Variants in USH2A observed in about 807,000 individuals in gnomAD.
The protein encoded by USH2A is Usher syndrome 2A (autosomal recessive, mild).
A neutral mutation model predicts 538.9 loss-of-function variants in USH2A; 443 were observed. The ratio of observed to expected loss-of-function variants is 0.82; its 90% confidence interval spans 0.76 to 0.89. The LOEUF (loss-of-function observed/expected upper bound fraction) is 0.89, where lower values mean the gene tolerates loss of function less well. Ranked by LOEUF, USH2A falls within the 40% of genes least tolerant of loss-of-function variation. USH2A has a pLI of 0.00. For synonymous variants in USH2A, 2,413 were observed against 2,273.5 expected, an observed-to-expected ratio of 1.06 and a Z score of -1.75; for missense variants, 6,633 against 6,324.8, an observed-to-expected ratio of 1.05 and a Z score of -1.65.
At chr1:216,046,729 C>A in intron 31 of USH2A, 137 bp from the exon 32 acceptor site, 1 of 1,011,964 alleles carries the variant, frequency 9.9e-7, no homozygotes, top group South Asian at 1.4e-5. Flanking sequence ...GGCAGCTTGT[C>A]AGTAATTGCT....
intron 37 of USH2A, among the ~76,000 whole-genome samples, chr1:215,943,146 C>T (rs1666676818): frequency 6.6e-6 from 1 of 151,842 alleles, no homozygotes; most frequent in South Asian, 2.1e-4. Flanking sequence ...CCATACAAGG[C>T]ATAAGCAAGA....
chr1:215,798,998 G>C lies in USH2A; in HGVS notation c.9867C>G (p.Gly3289=). 6.2e-7 allele frequency: 1 copy of C among 1,614,058 alleles called. No homozygotes were observed. Among genetic ancestry groups the C allele is most frequent in the Non-Finnish European group, 8.5e-7 (1 of 1,180,000 alleles). Residue 3289 remains glycine (G), a synonymous_variant, in exon 50 of 72, where the codon GGC becomes GGG. Transcript: ENST00000307340. The stretch of plus-strand genomic sequence containing the variant: ...GTCTGCCACAGCACTTCTGGCCATG[G>C]CCATCATGAAGCCTCCCAGCACAGC... The part of the protein sequence containing the change: ...QICCAGRLHD[G]HGQKCCGRQI...
intron 67 of USH2A, among the ~76,000 whole-genome samples, chr1:215,641,483 C>T (rs1178565632): frequency 6.6e-6 from 1 of 152,112 alleles, no homozygotes; most frequent in East Asian, 1.9e-4. Context: ...TTTTCAGTTC[C>T]TTACTAAAAC....
intron 40 of USH2A, among the ~76,000 whole-genome samples, chr1:215,896,350 A>G (rs1023720948): frequency 1.3e-5 from 2 of 151,990 alleles, no homozygotes; most frequent in African/African-American, 4.8e-5. Context: ...AAATGATTTC[A>G]ATTTCATTAG....
At chr1:215,854,416 A>G (rs572832737) in intron 44 of USH2A, among the ~76,000 whole-genome samples, 11 of 152,256 alleles carry the variant, frequency 7.2e-5, no homozygotes, top group African/African-American at 2.6e-4. Context: ...ATTCCCCCTG[A>G]GAACTGGAAC....
At chr1:216,105,033 T>C (rs1168909930) in intron 21 of USH2A, among the ~76,000 whole-genome samples, 1 of 152,154 alleles carries the variant, frequency 6.6e-6, no homozygotes, top group Non-Finnish European at 1.5e-5. Context: ...AGAAGACATT[T>C]ATGCAGCCAA....
intron 3 of USH2A, among the ~76,000 whole-genome samples, chr1:216,380,781 G>T (rs1360593689): frequency 1.3e-5 from 2 of 152,088 alleles, no homozygotes; most frequent in East Asian, 3.8e-4. Context: ...TAGCAAAGTT[G>T]TAAATGTCCA....
At chr1:215,751,401 T>G (rs1030763016) in intron 58 of USH2A, among the ~76,000 whole-genome samples, 2 of 152,096 alleles carry the variant, frequency 1.3e-5, no homozygotes, top group African/African-American at 2.4e-5. Context: ...CCATCCTTAG[T>G]GAGAAAAAGT....
chr1:215,733,588 T>C (rs1439927607), intron 60 of USH2A, among the ~76,000 whole-genome samples: 3 of 152,188 alleles, frequency 2.0e-5, no homozygotes, highest in Non-Finnish European at 4.4e-5. Context: ...CTTTCACCTA[T>C]AAGCCTATAA....
chr1:215,892,731 CTGCAGTTT>C, intron 40 of USH2A, among the ~76,000 whole-genome samples: 1 of 152,092 alleles, frequency 6.6e-6, no homozygotes, highest in Non-Finnish European at 1.5e-5. Flanking sequence ...AGAATGGGCA[CTGCAGTTT>C]TGCAGAAAAA....
rs1373104511 is a variant in USH2A, at chr1:215,759,685, C to T, written c.11206G>A (p.Asp3736Asn). The change falls in exon 57 of 72, where the codon GAT becomes AAT. Residue 3736 changes from aspartate (D) to asparagine (N), a missense_variant. Asp to Asn is a conservative substitution (Grantham distance 23). Transcript: ENST00000307340. ...LGGSEEQNFT[D>N]KNLEPNSRYT... ...CTGCTATTGGGCTCCAGGTTTTTAT[C>T]AGTGAAATTCTGCTCCTCACTGCCA... 1.2e-6 allele frequency: 2 copies of T among 1,613,840 alleles called. No homozygotes were observed. Among genetic ancestry groups the T allele is most frequent in the African/African-American group, 2.7e-5 (2 of 74,876 alleles).
In USH2A at chr1:216,362,805, G is replaced by T. The variant is rs370634449; in HGVS notation, c.784+2148C>A. Among the ~76,000 whole-genome samples, 16 of 151,702 alleles carry T rather than the reference G, an allele frequency of 1.1e-4. 1 individual carries two copies. Among genetic ancestry groups the T allele is most frequent in the Admixed American group, 3.9e-4 (6 of 15,222 alleles). On this transcript the variant is annotated intron_variant, in intron 4 of 71. Transcript: ENST00000307340. ...TAAAAATACAAAAGTTAGGCGTGGT[G>T]GTGCACATCTGTAATCCCAGCTACT...
chr1:216,240,980 G>C (rs556094305), intron 13 of USH2A, among the ~76,000 whole-genome samples: 1 of 152,276 alleles, frequency 6.6e-6, no homozygotes, highest in South Asian at 2.1e-4. Context: ...AGTTCCCTTG[G>C]AGAGTTTTGT....
chr1:215,992,249 A>G (rs1252009137), intron 35 of USH2A, among the ~76,000 whole-genome samples: 1 of 152,174 alleles, frequency 6.6e-6, no homozygotes, highest in African/African-American at 2.4e-5. Context: ...TATTTGTCTC[A>G]AAGAGGAATG....
At chr1:216,080,435 A>T (rs1179707379) in intron 26 of USH2A, among the ~76,000 whole-genome samples, 1 of 151,998 alleles carries the variant, frequency 6.6e-6, no homozygotes. Context: ...TGGGCTAGGA[A>T]ATGTGGGGGT....
At chr1:215,835,585 A>T (rs1194897781) in intron 47 of USH2A, among the ~76,000 whole-genome samples, 2 of 152,106 alleles carry the variant, frequency 1.3e-5, no homozygotes, top group African/African-American at 4.8e-5. Flanking sequence ...AGACCCCTGG[A>T]TGCACAGCAA....
chr1:216,319,171 T>G (rs1288273278), intron 9 of USH2A, among the ~76,000 whole-genome samples: 1 of 152,114 alleles, frequency 6.6e-6, no homozygotes, highest in Non-Finnish European at 1.5e-5. Flanking sequence ...AGTGGCTTTG[T>G]GGAGGAGAGG....
At chr1:216,082,361 A>C (rs1271485762) in intron 26 of USH2A, among the ~76,000 whole-genome samples, 1 of 152,134 alleles carries the variant, frequency 6.6e-6, no homozygotes, top group Non-Finnish European at 1.5e-5. Flanking sequence ...ACAAGAGGAC[A>C]AACAAATATT....
chr1:216,315,885 A>G (rs1293185706), intron 9 of USH2A, among the ~76,000 whole-genome samples: 1 of 152,216 alleles, frequency 6.6e-6, no homozygotes, highest in African/African-American at 2.4e-5. Flanking sequence ...ACTTTGAAAT[A>G]TTTAACTTTG....
Sources: allele counts gnomAD v4.1 joint callset (sites outside exome capture counted in the v4.1 genomes callset), GRCh38; gene constraint gnomAD v4.1.1; transcripts MANE v1.5; gene names NCBI Gene and HGNC (gene_info 2026-07-23, HGNC 2026-07-21).